OCIAD2: variants seen among roughly 807,000 people sequenced by gnomAD.
OCIAD2 encodes OCIA domain containing 2, also known as OCIA domain-containing protein 2.
OCIAD2 carries 29 observed loss-of-function variants against 22.9 expected under a neutral mutation model. The ratio of observed to expected loss-of-function variants is 1.27; its 90% CI spans 0.94 to 1.73. The LOEUF (loss-of-function observed/expected upper bound fraction) is 1.73, where lower values mean the gene tolerates loss of function less well. OCIAD2 is among the 40% of genes most tolerant of loss of function. The pLI is 0.00. For missense variants in OCIAD2, 189 were observed against 180.3 expected, an observed-to-expected ratio of 1.05 and a Z score of -0.28; for synonymous variants, 67 against 60.2, an observed-to-expected ratio of 1.11 and a Z score of -0.52.
intron 4 of OCIAD2, among the ~76,000 whole-genome samples, chr4:48,894,266 A>T (rs1345766223): frequency 6.6e-6 from 1 of 152,078 alleles, no homozygotes; most frequent in Non-Finnish European, 1.5e-5. Context: ...CGAGGCGGGC[A>T]GATCACCTGA....
At chr4:48,897,396 G>T (rs2109677876) in intron 4 of OCIAD2, among the ~76,000 whole-genome samples, 1 of 152,136 alleles carries the variant, frequency 6.6e-6, no homozygotes, top group East Asian at 1.9e-4. Flanking sequence ...CTCCACTAAT[G>T]GTCCCTTCCT....
intron 6 of OCIAD2, among the ~76,000 whole-genome samples, chr4:48,886,849 T>C (rs1255586755): frequency 6.6e-6 from 1 of 152,204 alleles, no homozygotes; most frequent in Non-Finnish European, 1.5e-5. Flanking sequence ...CCTTTGGGTA[T>C]ATAACCAGTA....
chr4:48,894,092 ATAAAT>A (rs1781246344), intron 4 of OCIAD2, 39 bp from the exon 5 acceptor site: 2 of 1,030,222 alleles, frequency 1.9e-6, no homozygotes, highest in Admixed American at 5.3e-5. Context: ...ATTTCATTTC[ATAAAT>A]TAAATTATAA....
At chr4:48,901,940 G>A (rs1781427229) in intron 2 of OCIAD2, among the ~76,000 whole-genome samples, 1 of 151,862 alleles carries the variant, frequency 6.6e-6, no homozygotes, top group African/African-American at 2.4e-5. Flanking sequence ...ATAGAGCTGG[G>A]GGAGGCGTGG....
intron 4 of OCIAD2, among the ~76,000 whole-genome samples, chr4:48,896,014 A>G (rs1781293729): frequency 6.6e-6 from 1 of 152,204 alleles, no homozygotes; most frequent in Non-Finnish European, 1.5e-5. Flanking sequence ...CCGGAGCGAC[A>G]GAGTGAGACT....
chr4:48,900,432 T>C (rs1356301668), intron 2 of OCIAD2, among the ~76,000 whole-genome samples: 1 of 152,174 alleles, frequency 6.6e-6, no homozygotes, highest in Non-Finnish European at 1.5e-5. Context: ...TGTGGACTGC[T>C]TTTTATTATT....
chr4:48,892,037 C>G (rs1781190863), intron 6 of OCIAD2, among the ~76,000 whole-genome samples: 1 of 152,164 alleles, frequency 6.6e-6, no homozygotes. Flanking sequence ...GGTGTTTTGA[C>G]TTCTAGTCCA....
chr4:48,904,387 T>C lies in OCIAD2; in HGVS notation c.66+97A>G, dbSNP rs80091112. ...ATCACTTAATCCAGCAGTTCGAGAC[T>C]GCAGTGAGCCATGACTGCACCACTG... is the stretch of plus-strand genomic sequence containing the variant. On this transcript the variant is annotated intron_variant, in intron 2 of 6. Coordinates refer to ENST00000508632, the MANE Select transcript of OCIAD2 (RefSeq NM_001014446.3). 769 of 1,034,784 alleles carry C rather than the reference T, an allele frequency of 7.4e-4. 3 individuals are homozygous for C. In the African/African-American group the frequency reaches 0.011, roughly 14 times the overall value. The allele number at this position is 1,034,784 out of a possible 1,614,324, so 64.1% of individuals were successfully genotyped here.
At chr4:48,895,743 G>A (rs1223679502) in intron 4 of OCIAD2, among the ~76,000 whole-genome samples, 1 of 152,188 alleles carries the variant, frequency 6.6e-6, no homozygotes, top group Admixed American at 6.5e-5. Context: ...GCTGGGTGCG[G>A]TGGCTCTTGC....
At chr4:48,889,595 A>G (rs1206551689) in intron 6 of OCIAD2, among the ~76,000 whole-genome samples, 12 of 152,248 alleles carry the variant, frequency 7.9e-5, no homozygotes, top group Non-Finnish European at 1.5e-4. Flanking sequence ...TCATTAAAAA[A>G]TCAGGAAACA....
At chr4:48,895,721 A>C (rs181832786) in intron 4 of OCIAD2, among the ~76,000 whole-genome samples, 124 of 152,272 alleles carry the variant, frequency 8.1e-4, no homozygotes, top group Non-Finnish European at 7.8e-4. Context: ...ATACTTATAA[A>C]ACATAATCCT....
rs1486259342 is a variant in OCIAD2, at chr4:48,885,115, A to C, written c.*369T>G. On this transcript the variant is annotated 3_prime_UTR_variant, in exon 7 of 7. Coordinates refer to ENST00000508632, the MANE Select transcript of OCIAD2 (RefSeq NM_001014446.3). Reference sequence around the variant, plus strand: ...ATTCTCCTGCCTCAGCCTCCCTCTCAGTAGCTGGGATTACAGGCATGTGCC... The same window carrying C: ...ATTCTCCTGCCTCAGCCTCCCTCTCCGTAGCTGGGATTACAGGCATGTGCC... 1 of 181,736 alleles carries C rather than the reference A, an allele frequency of 5.5e-6. No individual in the cohort carries two copies. Among genetic ancestry groups the C allele is most frequent in the Admixed American group, 6.0e-5 (1 of 16,710 alleles). The allele number at this position is 181,736 out of a possible 1,614,324, so 11.3% of individuals were successfully genotyped here. A position where few individuals can be genotyped will look rare whatever the true frequency, so the allele number is the denominator to read the frequency against.
chr4:48,890,146 A>G (rs1343589108), intron 6 of OCIAD2, among the ~76,000 whole-genome samples: 2 of 151,666 alleles, frequency 1.3e-5, no homozygotes, highest in African/African-American at 4.8e-5. Context: ...TAGGAGATAT[A>G]CCTAATGTAA....
chr4:48,894,094 A>G (rs760669370), intron 4 of OCIAD2, 41 bp from the exon 5 acceptor site: 33 of 1,025,900 alleles, frequency 3.2e-5, no homozygotes, highest in Admixed American at 8.1e-5. Context: ...TTCATTTCAT[A>G]AATTAAATTA....
chr4:48,893,583 A>G (rs956157881), intron 5 of OCIAD2: 1 of 153,176 alleles, frequency 6.5e-6, no homozygotes, highest in Non-Finnish European at 1.5e-5. Flanking sequence ...AAATCCATAA[A>G]TGATCTATCA....
At chr4:48,903,650 T>C (rs58520892) in intron 2 of OCIAD2, among the ~76,000 whole-genome samples, 25 of 147,694 alleles carry the variant, frequency 1.7e-4, no homozygotes, top group African/African-American at 5.5e-4. Context: ...TTTTTTTTTT[T>C]TTTTTCTTTT....
chr4:48,892,625 TG>T, intron 6 of OCIAD2, 146 bp downstream of exon 6: 1 of 485,036 alleles, frequency 2.1e-6, no homozygotes, highest in Non-Finnish European at 3.7e-6. Context: ...TTATTGAAGT[TG>T]GGTAACAACA....
Position 48,892,892 on chromosome 4 carries a change from G to T in OCIAD2, c.266-3C>A. ...GCCAAATCCCAAGAGACCAGCAACT[G>T]TAAAAGCAGGTTGGGAGAGATTAGT... On this transcript the variant is annotated splice_polypyrimidine_tract_variant and splice_region_variant and intron_variant, in intron 5 of 6. Coordinates refer to ENST00000508632, the MANE Select transcript of OCIAD2 (RefSeq NM_001014446.3). The T allele has an allele frequency of 2.0e-6, 3 of 1,495,722 alleles. No homozygotes were observed. The highest frequency in any genetic ancestry group is 2.3e-5 in the East Asian group (1 of 44,126). 92.7% of individuals were successfully genotyped at this position (1,495,722 alleles called of 1,614,324 possible).
At chr4:48,888,815 G>A (rs998288025) in intron 6 of OCIAD2, among the ~76,000 whole-genome samples, 2 of 151,968 alleles carry the variant, frequency 1.3e-5, no homozygotes, top group African/African-American at 4.8e-5. Context: ...TGTTGTGTCT[G>A]TGCCAGGCTT....
Sources: allele counts gnomAD v4.1 joint callset (sites outside exome capture counted in the v4.1 genomes callset), GRCh38; gene constraint gnomAD v4.1.1; transcripts MANE v1.5; gene names NCBI Gene and HGNC (gene_info 2026-07-23, HGNC 2026-07-21).